AK5: variants seen among roughly 807,000 people sequenced by gnomAD.
AK5 encodes the protein adenylate kinase 5, also known as adenylate kinase isoenzyme 5.
AK5 carries 27 observed loss-of-function variants against 69.5 expected under a neutral mutation model. The observed-to-expected ratio is 0.39, with a 90% CI of 0.29 to 0.54. The LOEUF (loss-of-function observed/expected upper bound fraction) is 0.54, where lower values mean the gene tolerates loss of function less well. Among genes scored for constraint, AK5 ranks in the 20% least tolerant of loss-of-function variants. The pLI, the probability that AK5 is intolerant of heterozygous loss-of-function variation, is 0.71. For synonymous variants in AK5, 260 were observed against 244.4 expected, an observed-to-expected ratio of 1.06 and a Z score of -0.60; for missense variants, 531 against 700.4, an observed-to-expected ratio of 0.76 and a Z score of 2.73.
At chr1:77,479,521 G>C (rs1333213335) in intron 8 of AK5, among the ~76,000 whole-genome samples, 1 of 152,166 alleles carries the variant, frequency 6.6e-6, no homozygotes, top group African/African-American at 2.4e-5. Context: ...TTGTCTTTTG[G>C]TGTTAGTGGG....
chr1:77,448,717 A>G (rs1447737898), intron 8 of AK5, among the ~76,000 whole-genome samples: 1 of 152,224 alleles, frequency 6.6e-6, no homozygotes, highest in Middle Eastern at 3.2e-3. Context: ...ATTGCAGACA[A>G]CAAGAAGGAG....
chr1:77,525,374 T>C lies in AK5; in HGVS notation c.1428+3431T>C, dbSNP rs189371165. On this transcript the variant is annotated intron_variant, in intron 12 of 13. Coordinates refer to ENST00000354567, the MANE Select transcript of AK5 (RefSeq NM_174858.3). Reference sequence around the variant, plus strand: ...GCTATGAGGAATACCTGAGGCTGGGTAATTTATAAAGAAAAGAGGTTATTT... The same window carrying C: ...GCTATGAGGAATACCTGAGGCTGGGCAATTTATAAAGAAAAGAGGTTATTT... 1.5e-4 allele frequency among the ~76,000 whole-genome samples: 23 copies of C among 152,308 alleles called. 1 individual carries two copies. Among genetic ancestry groups the C allele is most frequent in the South Asian group, 8.3e-4 (4 of 4,826 alleles).
At chr1:77,403,818 T>C (rs2100553935) in intron 6 of AK5, among the ~76,000 whole-genome samples, 1 of 152,356 alleles carries the variant, frequency 6.6e-6, no homozygotes, top group South Asian at 2.1e-4. Flanking sequence ...AAGTAGCTTT[T>C]TCCAATTCTG....
chr1:77,315,334 A>G (rs1660190934), intron 5 of AK5, among the ~76,000 whole-genome samples: 1 of 152,088 alleles, frequency 6.6e-6, no homozygotes, highest in Non-Finnish European at 1.5e-5. Context: ...GCATACTACC[A>G]GTAAGTTATT....
intron 6 of AK5, among the ~76,000 whole-genome samples, chr1:77,351,567 C>T (rs1025428303): frequency 2.0e-5 from 3 of 152,134 alleles, no homozygotes; most frequent in African/African-American, 4.8e-5. Context: ...AATGCTTTCT[C>T]ATAGTGACAA....
At chr1:77,531,989 T>TCCGGCCGGCCGGCCGGCCGGCCGG (rs78163096) in intron 12 of AK5, 2 of 148,532 alleles carry the variant, frequency 1.3e-5, no homozygotes, top group Admixed American at 6.7e-5. Context: ...CCTGCGGCCA[T>TCCGGCCGGCCGGCCGGCCGGCCGG]CCGGCCGGCC....
chr1:77,388,950 C>T (rs899592289), intron 6 of AK5, among the ~76,000 whole-genome samples: 2 of 152,092 alleles, frequency 1.3e-5, no homozygotes, highest in Admixed American at 6.5e-5. Flanking sequence ...AAGAGAAGAA[C>T]CAGGAGACTG....
intron 6 of AK5, among the ~76,000 whole-genome samples, chr1:77,405,503 G>A (rs922629109): frequency 6.6e-6 from 1 of 152,206 alleles, no homozygotes; most frequent in African/African-American, 2.4e-5. Context: ...TCAAGGTTGA[G>A]GGCTGGACCT....
chr1:77,392,595 G>C (rs1441365250), intron 6 of AK5, among the ~76,000 whole-genome samples: 1 of 152,172 alleles, frequency 6.6e-6, no homozygotes, highest in Non-Finnish European at 1.5e-5. Context: ...CCAGGGAGTT[G>C]TGTTCAACTC....
chr1:77,367,589 T>TATATATA (rs1553139773), intron 6 of AK5, among the ~76,000 whole-genome samples: 1 of 43,592 alleles, frequency 2.3e-5, no homozygotes, highest in African/African-American at 8.0e-5. Context: ...AATATATATG[T>TATATATA]TATATATGTA....
intron 10 of AK5, among the ~76,000 whole-genome samples, chr1:77,493,523 C>T (rs920134534): frequency 3.9e-5 from 6 of 152,098 alleles, no homozygotes; most frequent in South Asian, 4.1e-4. Context: ...TACGTCCAGT[C>T]GCTTCTGTTT....
intron 8 of AK5, among the ~76,000 whole-genome samples, chr1:77,456,205 G>A (rs748076780): frequency 5.3e-5 from 8 of 152,198 alleles, no homozygotes; most frequent in Non-Finnish European, 1.0e-4. Flanking sequence ...AGAATTTAGA[G>A]AACTGTAATG....
At chr1:77,334,612 A>G (rs778683477) in intron 5 of AK5, among the ~76,000 whole-genome samples, 33 of 151,182 alleles carry the variant, frequency 2.2e-4, no homozygotes, top group Non-Finnish European at 4.9e-4. Context: ...TATTTTTTCT[A>G]CCTTTTTCTT....
At chr1:77,509,397 G>A (rs1657212742) in intron 10 of AK5, among the ~76,000 whole-genome samples, 1 of 152,204 alleles carries the variant, frequency 6.6e-6, no homozygotes, top group African/African-American at 2.4e-5. Flanking sequence ...AAGAGTGTCA[G>A]TTCCCAGCAA....
At chr1:77,529,058 T>C (rs1002781117) in intron 12 of AK5, among the ~76,000 whole-genome samples, 9 of 152,142 alleles carry the variant, frequency 5.9e-5, no homozygotes, top group Non-Finnish European at 8.8e-5. Flanking sequence ...TTTCTGACTA[T>C]AGAAATAAAA....
At chr1:77,354,762 C>A (rs1557521576) in intron 6 of AK5, among the ~76,000 whole-genome samples, 1 of 152,190 alleles carries the variant, frequency 6.6e-6, no homozygotes, top group Non-Finnish European at 1.5e-5. Flanking sequence ...AAGGTGTCAG[C>A]AACCATGAGA....
chr1:77,305,523 G>C (rs1187242401), intron 5 of AK5, among the ~76,000 whole-genome samples: 1 of 152,140 alleles, frequency 6.6e-6, no homozygotes, highest in African/African-American at 2.4e-5. Context: ...TATGGTGAGA[G>C]ATAAGGGTCT....
intron 6 of AK5, among the ~76,000 whole-genome samples, chr1:77,390,733 A>G (rs1290347505): frequency 6.6e-6 from 1 of 152,240 alleles, no homozygotes; most frequent in Non-Finnish European, 1.5e-5. Flanking sequence ...TTTTTGTTCA[A>G]CTTAATTTAC....
intron 8 of AK5, among the ~76,000 whole-genome samples, chr1:77,473,011 C>T (rs539178502): frequency 6.6e-6 from 1 of 152,246 alleles, no homozygotes; most frequent in South Asian, 2.1e-4. Flanking sequence ...CTTCCCATCT[C>T]AGGATCCTTA....
Sources: gnomAD v4.1 joint callset for allele counts (sites outside exome capture counted in the v4.1 genomes callset) on GRCh38, gnomAD v4.1.1 for gene constraint, MANE v1.5 for transcripts, NCBI Gene and HGNC (gene_info 2026-07-23, HGNC 2026-07-21) for gene names.